Variants in C12orf54 observed in about 807,000 individuals in gnomAD.
C12orf54 encodes chromosome 12 open reading frame 54, also known as uncharacterized protein C12orf54.
A neutral mutation model predicts 26.4 loss-of-function variants in C12orf54; 24 were observed. The observed-to-expected ratio is 0.91, with a 90% confidence interval of 0.66 to 1.28. The LOEUF is 1.28. Among genes scored for constraint, C12orf54 ranks in the 50% most tolerant of loss-of-function variants. C12orf54 has a pLI of 0.00. For synonymous variants in C12orf54, 54 were observed against 47.0 expected (o/e 1.15, Z -0.61); for missense variants, 154 against 150.9 (o/e 1.02, Z -0.11).
At chr12:48,461,671 G>A in the C12orf54 span, among the ~76,000 whole-genome samples, 1 of 151,732 alleles carries the variant, frequency 6.6e-6, no homozygotes, top group Non-Finnish European at 1.5e-5. Flanking sequence ...AAATTAGAAG[G>A]CATTTTGAAC....
At chr12:48,494,654 G>C (rs922345614) in intron 7 of C12orf54, 144 bp from the exon 8 acceptor site, 2 of 858,664 alleles carry the variant, frequency 2.3e-6, no homozygotes, top group African/African-American at 3.4e-5. Flanking sequence ...CATCCATCAG[G>C]AAATTGCAAC....
the C12orf54 span, among the ~76,000 whole-genome samples, chr12:48,469,293 C>T: frequency 3.3e-5 from 5 of 152,188 alleles, no homozygotes; most frequent in African/African-American, 9.7e-5. Flanking sequence ...ACTCCCAGAG[C>T]GGCCATTTTA....
chr12:48,491,375 A>T (rs1937786572), intron 6 of C12orf54, among the ~76,000 whole-genome samples: 1 of 152,214 alleles, frequency 6.6e-6, no homozygotes. Flanking sequence ...TGCCCTCATA[A>T]GCGAATTACC....
chr12:48,466,374 C>A, the C12orf54 span, among the ~76,000 whole-genome samples: 1 of 152,002 alleles, frequency 6.6e-6, no homozygotes, highest in African/African-American at 2.4e-5. Flanking sequence ...TGAAACCCAG[C>A]TCTAATAAAA....
At chr12:48,493,611 C>T (rs1247731278) in intron 7 of C12orf54, among the ~76,000 whole-genome samples, 1 of 87,784 alleles carries the variant, frequency 1.1e-5, no homozygotes, top group Non-Finnish European at 2.2e-5. Context: ...GGAGACAGAG[C>T]AAAACACTGT....
chr12:48,433,220 A>T, the C12orf54 span, among the ~76,000 whole-genome samples: 1 of 152,208 alleles, frequency 6.6e-6, no homozygotes, highest in Non-Finnish European at 1.5e-5. Context: ...CCGTTTGCAT[A>T]ACCACCACCT....
At chr12:48,434,810 G>GA in the C12orf54 span, among the ~76,000 whole-genome samples, 2 of 152,022 alleles carry the variant, frequency 1.3e-5, no homozygotes, top group African/African-American at 2.4e-5. Flanking sequence ...CAAAGATGGG[G>GA]AAAAAACAGA....
the C12orf54 span, among the ~76,000 whole-genome samples, chr12:48,435,094 A>T: frequency 6.6e-6 from 1 of 152,228 alleles, no homozygotes; most frequent in Non-Finnish European, 1.5e-5. Flanking sequence ...AAACTATGGC[A>T]CGAGAACTAC....
At chr12:48,458,357 CA>C in the C12orf54 span, among the ~76,000 whole-genome samples, 112 of 152,312 alleles carry the variant, frequency 7.4e-4, no homozygotes, top group Non-Finnish European at 1.4e-3. Flanking sequence ...ACACATAACT[CA>C]GTATTTGAGT....
the C12orf54 span, among the ~76,000 whole-genome samples, chr12:48,459,392 G>A: frequency 2.0e-4 from 24 of 121,828 alleles, no homozygotes; most frequent in Non-Finnish European, 3.4e-4. Flanking sequence ...TCAGTTCAAG[G>A]CAGAAGTTTT....
At chr12:48,486,790 G>A in intron 4 of C12orf54, 64 bp downstream of exon 4, 4 of 1,473,552 alleles carry the variant, frequency 2.7e-6, no homozygotes, top group Non-Finnish European at 3.8e-6. Context: ...AAGTCTTCAG[G>A]AAGGAGCACA....
At chr12:48,447,214 G>GTGTGTATGTA in the C12orf54 span, among the ~76,000 whole-genome samples, 1 of 118,748 alleles carries the variant, frequency 8.4e-6, no homozygotes, top group Non-Finnish European at 1.9e-5. Context: ...CTCTTACTCT[G>GTGTGTATGTA]TGTGTGTGTG....
At chr12:48,474,608 C>T in the C12orf54 span, among the ~76,000 whole-genome samples, 41 of 152,356 alleles carry the variant, frequency 2.7e-4, no homozygotes, top group Non-Finnish European at 5.1e-4. Flanking sequence ...ACACATGGCT[C>T]GGAGGGTCCT....
At chr12:48,449,694 T>C in the C12orf54 span, among the ~76,000 whole-genome samples, 1 of 152,236 alleles carries the variant, frequency 6.6e-6, no homozygotes, top group Admixed American at 6.5e-5. Context: ...TTCTGATCTG[T>C]TGAGATAACC....
At chr12:48,458,822 G>C in the C12orf54 span, among the ~76,000 whole-genome samples, 1 of 151,702 alleles carries the variant, frequency 6.6e-6, no homozygotes, top group Non-Finnish European at 1.5e-5. Context: ...AAGCATGCAT[G>C]AGCAGTCATG....
the C12orf54 span, among the ~76,000 whole-genome samples, chr12:48,467,611 A>G: frequency 6.6e-6 from 1 of 152,196 alleles, no homozygotes; most frequent in Non-Finnish European, 1.5e-5. Context: ...AATAAGGGAA[A>G]GAAAATCCAT....
At chr12:48,450,227 A>G in the C12orf54 span, among the ~76,000 whole-genome samples, 1 of 152,200 alleles carries the variant, frequency 6.6e-6, no homozygotes. Context: ...CTGCCCCTGA[A>G]TGAATTTTGA....
the C12orf54 span, among the ~76,000 whole-genome samples, chr12:48,426,540 T>C: frequency 1.3e-5 from 2 of 152,208 alleles, no homozygotes; most frequent in African/African-American, 4.8e-5. Context: ...TTTGTTCTTT[T>C]TGCTTAGGAT....
chr12:48,444,534 T>C, the C12orf54 span, among the ~76,000 whole-genome samples: 1 of 152,226 alleles, frequency 6.6e-6, no homozygotes, highest in Non-Finnish European at 1.5e-5. Context: ...AAGTTGGAAA[T>C]TCTAGCCTGT....
Sources: allele counts gnomAD v4.1 joint callset (sites outside exome capture counted in the v4.1 genomes callset), GRCh38; gene constraint gnomAD v4.1.1; transcripts MANE v1.5; gene names NCBI Gene and HGNC (gene_info 2026-07-23, HGNC 2026-07-21).